Variants in FRMPD4 observed in about 807,000 individuals in gnomAD.
The protein encoded by FRMPD4 is FERM and PDZ domain containing 4.
Under a neutral mutation model 94.1 loss-of-function variants are expected in FRMPD4, and 22 were observed. That is an observed-to-expected ratio of 0.23 (90% CI 0.17 to 0.33). FRMPD4 has a LOEUF of 0.33. FRMPD4 is among the 10% of genes least tolerant of loss of function. The pLI is 1.00. For missense variants in FRMPD4, 1,111 were observed against 1,339.9 expected, an observed-to-expected ratio of 0.83 and a Z score of 2.67; for synonymous variants, 631 against 548.6, an observed-to-expected ratio of 1.15 and a Z score of -2.10.
intron 1 of FRMPD4, among the ~76,000 whole-genome samples, chrX:12,204,976 C>G (rs975160394): frequency 1.8e-5 from 2 of 109,794 alleles, no homozygotes; most frequent in African/African-American, 6.7e-5. Context: ...TGCTTCATGC[C>G]GAAGGAGTCA....
intron 3 of FRMPD4, among the ~76,000 whole-genome samples, chrX:12,093,724 A>C (rs1478627681): frequency 9.0e-6 from 1 of 110,618 alleles, no homozygotes; most frequent in East Asian, 2.8e-4. Context: ...AGTACAGAGG[A>C]GAGATATCCA....
intron 2 of FRMPD4, among the ~76,000 whole-genome samples, chrX:12,589,051 TTTGA>T (rs768934993): frequency 1.8e-5 from 2 of 112,476 alleles, no homozygotes; most frequent in African/African-American, 6.4e-5. Context: ...TATGTAAATA[TTTGA>T]TTGAAGACAC....
intron 3 of FRMPD4, among the ~76,000 whole-genome samples, chrX:11,956,906 G>A (rs1255311916): frequency 1.8e-5 from 2 of 111,889 alleles, no homozygotes; most frequent in Admixed American, 1.9e-4. Flanking sequence ...TTAACCATAC[G>A]TAGCCTAACT....
At chrX:12,030,326 T>A (rs1264580388) in intron 3 of FRMPD4, among the ~76,000 whole-genome samples, 2 of 112,126 alleles carry the variant, frequency 1.8e-5, no homozygotes, top group Non-Finnish European at 3.8e-5. Context: ...GAAAGGACAC[T>A]CACAGTCAAG....
chrX:12,282,235 C>T (rs1001028784), intron 1 of FRMPD4, among the ~76,000 whole-genome samples: 2 of 111,844 alleles, frequency 1.8e-5, no homozygotes, highest in African/African-American at 3.3e-5. Context: ...CTGAAGGGCC[C>T]GCAGGCAGTC....
rs1569321899 is a variant in FRMPD4 at position 12,537,454 on chromosome X, C to CT, written c.158+38658_158+38659insT. The stretch of plus-strand genomic sequence containing the variant: ...TTCCAACAATATATATTTTTTTTTT[C>CT]CTTTTTTTTTTTTTTTGAGACAGAG... On this transcript the variant is annotated intron_variant, in intron 2 of 16. Coordinates refer to ENST00000675598, the MANE Select transcript of FRMPD4 (RefSeq NM_001368397.1). Among the ~76,000 whole-genome samples, 666 of 87,953 alleles carry CT rather than the reference C, an allele frequency of 7.6e-3. 9 individuals are homozygous for CT. Among genetic ancestry groups the CT allele is most frequent in the African/African-American group, 0.016 (349 of 22,427 alleles). 76.4% of individuals were successfully genotyped at this position (87,953 alleles called of 115,157 possible).
chrX:12,436,579 A>G (rs1301998170), intron 1 of FRMPD4, among the ~76,000 whole-genome samples: 2 of 111,658 alleles, frequency 1.8e-5, no homozygotes, highest in Admixed American at 9.5e-5. Flanking sequence ...AACATATTTC[A>G]GTAAATTCAT....
chrX:12,292,644 C>G (rs1461646960), intron 1 of FRMPD4, among the ~76,000 whole-genome samples: 1 of 111,741 alleles, frequency 8.9e-6, no homozygotes, highest in Non-Finnish European at 1.9e-5. Flanking sequence ...CTCAGGGTCA[C>G]ATAACGAACA....
chrX:12,310,623 A>C (rs1490372832), intron 1 of FRMPD4, among the ~76,000 whole-genome samples: 1 of 112,525 alleles, frequency 8.9e-6, no homozygotes, highest in African/African-American at 3.2e-5. Flanking sequence ...GAATGTATTC[A>C]TATGGAGCAA....
At chrX:12,076,698 G>A (rs1374239885) in intron 3 of FRMPD4, among the ~76,000 whole-genome samples, 1 of 110,797 alleles carries the variant, frequency 9.0e-6, no homozygotes, top group East Asian at 2.8e-4. Flanking sequence ...CCTCCACAGA[G>A]AGCAGATTTT....
At chrX:12,547,927 T>G (rs1336432721) in intron 2 of FRMPD4, among the ~76,000 whole-genome samples, 3 of 112,431 alleles carry the variant, frequency 2.7e-5, no homozygotes, top group African/African-American at 9.7e-5. Context: ...TTTTAATGAC[T>G]TTTGGTTGTA....
intron 1 of FRMPD4, among the ~76,000 whole-genome samples, chrX:12,469,065 GT>G (rs1272883490): frequency 2.7e-5 from 3 of 112,083 alleles, no homozygotes; most frequent in Non-Finnish European, 5.6e-5. Context: ...AAGCATGGTG[GT>G]TCTTTTCCAC....
chrX:11,899,866 A>T (rs2147328150), intron 3 of FRMPD4, among the ~76,000 whole-genome samples: 1 of 112,602 alleles, frequency 8.9e-6, no homozygotes, highest in East Asian at 2.8e-4. Flanking sequence ...TTTGTGATTC[A>T]GTGGTCCATA....
chrX:12,494,808 T>C (rs980249882), intron 1 of FRMPD4, among the ~76,000 whole-genome samples: 4 of 112,376 alleles, frequency 3.6e-5, no homozygotes, highest in Non-Finnish European at 5.6e-5. Context: ...AAGGTTTCAA[T>C]CTGTTGCAAA....
intron 1 of FRMPD4, among the ~76,000 whole-genome samples, chrX:12,301,959 C>T (rs891792479): frequency 1.8e-5 from 2 of 111,971 alleles, no homozygotes; most frequent in Non-Finnish European, 3.8e-5. Context: ...CAGGCTTTTA[C>T]TGTCTCCACA....
intron 2 of FRMPD4, among the ~76,000 whole-genome samples, chrX:11,877,123 G>A (rs2053790227): frequency 8.9e-6 from 1 of 112,275 alleles, no homozygotes; most frequent in Non-Finnish European, 1.9e-5. Flanking sequence ...TCTATGGCAT[G>A]GGAAGCTAAT....
At chrX:12,615,000 A>G (rs1022738088) in intron 4 of FRMPD4, 119 bp downstream of exon 4, 3 of 367,951 alleles carry the variant, frequency 8.2e-6, no homozygotes, top group Non-Finnish European at 1.5e-5. Context: ...ATGCAAGCCA[A>G]CACATACACA....
At chrX:12,098,333 A>G (rs1421273308) in intron 3 of FRMPD4, among the ~76,000 whole-genome samples, 1 of 112,004 alleles carries the variant, frequency 8.9e-6, no homozygotes. Flanking sequence ...CATAAAACCT[A>G]TTACAGTGAA....
At chrX:12,041,145 A>T (rs1013316432) in intron 3 of FRMPD4, among the ~76,000 whole-genome samples, 4 of 112,025 alleles carry the variant, frequency 3.6e-5, no homozygotes, top group African/African-American at 1.3e-4. Context: ...ATGTGTTATA[A>T]ACTTAGCAAT....
Sources: gnomAD v4.1 joint callset for allele counts (sites outside exome capture counted in the v4.1 genomes callset) on GRCh38, gnomAD v4.1.1 for gene constraint, MANE v1.5 for transcripts, NCBI Gene and HGNC (gene_info 2026-07-23, HGNC 2026-07-21) for gene names.